Variants in PTPRT observed in about 807,000 individuals in gnomAD.
PTPRT encodes the protein receptor-type tyrosine-protein phosphatase T.
Under a neutral mutation model 176.8 loss-of-function variants are expected in PTPRT, and 56 were observed. The ratio of observed to expected loss-of-function variants is 0.32; its 90% CI spans 0.26 to 0.40. The LOEUF is 0.40. PTPRT is among the 10% of genes least tolerant of loss of function. The pLI is 1.00. For missense variants in PTPRT, 1,540 were observed against 1,908.2 expected, an observed-to-expected ratio of 0.81 and a Z score of 3.60; for synonymous variants, 783 against 739.0, an observed-to-expected ratio of 1.06 and a Z score of -0.96.
In PTPRT at chr20:43,110,795, G is replaced by C. The variant is rs74974315; in HGVS notation, c.88+78851C>G. Among the ~76,000 whole-genome samples, 1,503 of 152,074 alleles carry C rather than the reference G, an allele frequency of 9.9e-3. 30 individuals carry two copies. Among genetic ancestry groups the C allele is most frequent in the African/African-American group, 0.034 (1,405 of 41,362 alleles). On this transcript the variant is annotated intron_variant, in intron 1 of 30. Transcript: ENST00000373187. ...GGTTTGAGTGGGGCTGGGAGCAGAGGAGGAGAAGGCAAATGGAGAAAGTCA... is the reference window on the plus strand; with the variant it reads ...GGTTTGAGTGGGGCTGGGAGCAGAGCAGGAGAAGGCAAATGGAGAAAGTCA...
intron 18 of PTPRT, among the ~76,000 whole-genome samples, chr20:42,133,388 G>C (rs1988221182): frequency 6.6e-6 from 1 of 152,220 alleles, no homozygotes; most frequent in Admixed American, 6.5e-5. Flanking sequence ...AGCTGCAACA[G>C]ACATGGAGGA....
Position 42,751,910 on chromosome 20 carries a change from T to C in PTPRT, c.859+4552A>G, listed in dbSNP as rs115953201. Among the ~76,000 whole-genome samples the C allele has an allele frequency of 8.0e-3, 1,218 of 152,328 alleles. 21 individuals are homozygous for C. The highest frequency in any genetic ancestry group is 0.028 in the African/African-American group (1,159 of 41,576). On this transcript the variant is annotated intron_variant, in intron 6 of 30. Coordinates refer to ENST00000373187, the MANE Select transcript of PTPRT (RefSeq NM_007050.6). ...CATCTGGGTCTTCACCCTGTGATCA[T>C]GTGAGTCAGTTCTCCTTAATAAACT... is the stretch of plus-strand genomic sequence containing the variant.
chr20:42,456,427 T>C (rs921554520), intron 8 of PTPRT, among the ~76,000 whole-genome samples: 7 of 152,086 alleles, frequency 4.6e-5, no homozygotes, highest in African/African-American at 1.7e-4. Flanking sequence ...TGATGATATG[T>C]CTATCTCCAA....
chr20:42,550,891 T>TA, intron 7 of PTPRT, among the ~76,000 whole-genome samples: 1 of 152,150 alleles, frequency 6.6e-6, no homozygotes, highest in Non-Finnish European at 1.5e-5. Flanking sequence ...GCCTCCTCAT[T>TA]ACCACAAGTA....
chr20:42,423,891 C>T (rs1260412143), intron 9 of PTPRT, among the ~76,000 whole-genome samples: 1 of 151,834 alleles, frequency 6.6e-6, no homozygotes, highest in Non-Finnish European at 1.5e-5. Context: ...GCAATAATTA[C>T]AGAAAAATTT....
Position 43,189,013 on chromosome 20 carries a change from A to T in PTPRT, c.88+633T>A, listed in dbSNP as rs1307836460. On this transcript the variant is annotated intron_variant, in intron 1 of 30. Transcript: ENST00000373187. The surrounding 1 kb of genome is among the most constrained non-coding windows in gnomAD (Gnocchi z 5.0). ...TCCACTCCCCTCCAAGGGCCTTAAC[A>T]CGGGCGCCCAGCTACCTCGGAGAAA... is the stretch of plus-strand genomic sequence containing the variant. Among the ~76,000 whole-genome samples, 1 of 152,080 alleles carries T rather than the reference A, an allele frequency of 6.6e-6. No homozygotes were observed. The highest frequency in any genetic ancestry group is 1.9e-4 in the East Asian group (1 of 5,178).
intron 1 of PTPRT, among the ~76,000 whole-genome samples, chr20:43,144,359 C>T (rs76639565): frequency 0.014 from 2,124 of 152,280 alleles, 24 homozygotes; most frequent in Non-Finnish European, 0.021. Context: ...GATCTCTCTT[C>T]CCAAAACACA....
intron 2 of PTPRT, among the ~76,000 whole-genome samples, chr20:42,834,183 G>A (rs896551203): frequency 1.3e-5 from 2 of 151,872 alleles, no homozygotes; most frequent in African/African-American, 2.4e-5. Flanking sequence ...TTTTTTAAAC[G>A]GGCAAAAAAT....
chr20:42,424,244 A>C (rs1366811128), intron 9 of PTPRT, among the ~76,000 whole-genome samples: 1 of 152,174 alleles, frequency 6.6e-6, no homozygotes. Flanking sequence ...TTTTGTCCCC[A>C]GCTGAAATCC....
chr20:42,291,558 T>C (rs552325657), intron 12 of PTPRT, among the ~76,000 whole-genome samples: 4 of 152,210 alleles, frequency 2.6e-5, no homozygotes, highest in Admixed American at 2.0e-4. Flanking sequence ...GCTGTGCATG[T>C]GTAAGGGAGA....
chr20:42,593,164 C>T (rs2073610001), intron 7 of PTPRT, among the ~76,000 whole-genome samples: 1 of 152,166 alleles, frequency 6.6e-6, no homozygotes. Context: ...GCACAGTAAT[C>T]ATCATGGAAT....
intron 17 of PTPRT, among the ~76,000 whole-genome samples, chr20:42,154,470 T>C (rs758970072): frequency 2.6e-5 from 4 of 152,188 alleles, no homozygotes; most frequent in Non-Finnish European, 2.9e-5. Flanking sequence ...ATACATATGG[T>C]GTGTCCGTCC....
At chr20:42,141,301 T>A (rs1222021438) in intron 18 of PTPRT, among the ~76,000 whole-genome samples, 4 of 152,194 alleles carry the variant, frequency 2.6e-5, no homozygotes, top group African/African-American at 9.6e-5. Flanking sequence ...CGGGCTCCTG[T>A]GAGGCCTGAG....
intron 7 of PTPRT, among the ~76,000 whole-genome samples, chr20:42,514,632 T>C (rs2072027462): frequency 6.6e-6 from 1 of 152,090 alleles, no homozygotes; most frequent in South Asian, 2.1e-4. Context: ...ACTATTTGTA[T>C]AATCTTTAAG....
rs1329997882 is a variant in PTPRT at position 42,073,005 on chromosome 20, C to T, written c.*7874G>A. On this transcript the variant is annotated 3_prime_UTR_variant, in exon 31 of 31. Coordinates refer to ENST00000373187, the MANE Select transcript of PTPRT (RefSeq NM_007050.6). ...AAAAACATTGACAGCACAGTGCTGGCTTTTTTAAAAAGTTGATTTATTTTG... is the reference window on the plus strand; with the variant it reads ...AAAAACATTGACAGCACAGTGCTGGTTTTTTTAAAAAGTTGATTTATTTTG... 1 of 223,350 alleles carries T rather than the reference C, an allele frequency of 4.5e-6. No homozygotes were observed. Among genetic ancestry groups the T allele is most frequent in the African/African-American group, 2.2e-5 (1 of 44,744 alleles). 13.8% of individuals were successfully genotyped at this position (223,350 alleles called of 1,614,324 possible).
Position 42,704,970 on chromosome 20 carries a change from T to C in PTPRT, c.860-26811A>G, listed in dbSNP as rs144449723. ...CCTGTAATCCCAGCACTTTGGGAGA[T>C]TGAGGCAGGCAGATCACCTGAGGTC... On this transcript the variant is annotated intron_variant, in intron 6 of 30. Coordinates refer to ENST00000373187, the MANE Select transcript of PTPRT (RefSeq NM_007050.6). 4.9e-3 allele frequency among the ~76,000 whole-genome samples: 739 copies of C among 152,080 alleles called. 10 individuals carry two copies. Among genetic ancestry groups the C allele is most frequent in the African/African-American group, 0.017 (694 of 41,498 alleles).
At chr20:43,112,732 C>A (rs2012913686) in intron 1 of PTPRT, among the ~76,000 whole-genome samples, 1 of 152,202 alleles carries the variant, frequency 6.6e-6, no homozygotes, top group Admixed American at 6.5e-5. Flanking sequence ...CAAGGAAATT[C>A]AAGCACGATT....
At chr20:42,956,453 G>C (rs185304691) in intron 1 of PTPRT, among the ~76,000 whole-genome samples, 1 of 141,330 alleles carries the variant, frequency 7.1e-6, no homozygotes, top group South Asian at 2.2e-4. Context: ...TACTCTAGCC[G>C]TGTGAGACAC....
Position 42,511,312 on chromosome 20 carries a change from A to C in PTPRT, c.1154-38750T>G, listed in dbSNP as rs564058055. On this transcript the variant is annotated intron_variant, in intron 7 of 30. Transcript: ENST00000373187. The stretch of plus-strand genomic sequence containing the variant: ...ATTAACCTGTTCTGCAAATAATAAT[A>C]AACTCTTGATACAACAGACTTATCC... 5.9e-4 allele frequency among the ~76,000 whole-genome samples: 90 copies of C among 152,268 alleles called. No homozygotes were observed. The South Asian group carries it at 0.016, about 26-fold the overall frequency.
Sources: gnomAD v4.1 joint callset for allele counts (sites outside exome capture counted in the v4.1 genomes callset) on GRCh38, gnomAD v4.1.1 for gene constraint, Gnocchi (gnomAD v3.1) non-coding constraint, MANE v1.5 for transcripts, NCBI Gene and HGNC (gene_info 2026-07-23, HGNC 2026-07-21) for gene names.